ESRRB: variants seen among roughly 807,000 people sequenced by gnomAD.
ESRRB encodes the protein estrogen related receptor beta, also known as steroid hormone receptor ERR2.
In ESRRB, 16 loss-of-function variants were observed where a neutral mutation model predicts 46.0. The observed-to-expected ratio is 0.35, with a 90% CI of 0.24 to 0.53. The LOEUF (loss-of-function observed/expected upper bound fraction) is 0.53, where lower values mean the gene tolerates loss of function less well. Ranked by LOEUF, ESRRB falls within the 20% of genes least tolerant of loss-of-function variation. ESRRB has a pLI of 0.93. For missense variants in ESRRB, 488 were observed against 607.4 expected (o/e 0.80, Z 2.07); for synonymous variants, 246 against 259.6 (o/e 0.95, Z 0.50).
chr14:76,389,480 G>A (rs1885379053), intron 1 of ESRRB, among the ~76,000 whole-genome samples: 1 of 152,214 alleles, frequency 6.6e-6, no homozygotes, highest in Admixed American at 6.5e-5. Flanking sequence ...AGCCCTTGGG[G>A]GAAAAGAGGC....
rs138393878 is a variant in ESRRB, at chr14:76,498,784, C to T, written c.*326C>T. ...AGGCCACTGGAGCAAGTGCCCTCTC[C>T]CCTCCACCGAGCCACCAAGAGGCAG... On this transcript the variant is annotated 3_prime_UTR_variant, in exon 7 of 7. Coordinates refer to ENST00000644823, the MANE Select transcript of ESRRB (RefSeq NM_001379180.1). 1.5e-6 allele frequency: 1 copy of T among 647,660 alleles called. No individual in the cohort carries two copies. Among genetic ancestry groups the T allele is most frequent in the Non-Finnish European group, 2.9e-6 (1 of 348,542 alleles). The allele number at this position is 647,660 out of a possible 1,614,324, so 40.1% of individuals were successfully genotyped here.
At chr14:76,422,249 T>C (rs1595101616) in intron 1 of ESRRB, among the ~76,000 whole-genome samples, 1 of 148,576 alleles carries the variant, frequency 6.7e-6, no homozygotes. Context: ...TCTCACTCTG[T>C]TGCCAGGCTG....
intron 1 of ESRRB, among the ~76,000 whole-genome samples, chr14:76,423,923 G>A (rs140276347): frequency 6.6e-6 from 1 of 152,238 alleles, no homozygotes; most frequent in African/African-American, 2.4e-5. Flanking sequence ...CATGACAGAG[G>A]TTGGGGGGCA....
chr14:76,497,563 C>G (rs1440128520), intron 6 of ESRRB, among the ~76,000 whole-genome samples: 1 of 152,204 alleles, frequency 6.6e-6, no homozygotes. Flanking sequence ...CCCTATAGCT[C>G]CCTCCATCAC....
At chr14:76,479,592 C>G (rs928944743) in intron 3 of ESRRB, among the ~76,000 whole-genome samples, 2 of 152,118 alleles carry the variant, frequency 1.3e-5, no homozygotes, top group Non-Finnish European at 2.9e-5. Context: ...CAGGAGAATC[C>G]CTGGAGAGCC....
intron 1 of ESRRB, among the ~76,000 whole-genome samples, chr14:76,426,013 T>C (rs1887183495): frequency 6.6e-6 from 1 of 152,234 alleles, no homozygotes; most frequent in Non-Finnish European, 1.5e-5. Flanking sequence ...GCTGTTTACT[T>C]ATCATGTTAG....
chr14:76,375,923 C>A (rs932287191), upstream of ESRRB, among the ~76,000 whole-genome samples: 2 of 132,166 alleles, frequency 1.5e-5, no homozygotes, highest in African/African-American at 2.8e-5. Flanking sequence ...AGAAGGCAGG[C>A]CTTAGGGCTC....
Position 76,410,776 on chromosome 14 carries a change from TA to T in ESRRB, c.51-28564del, listed in dbSNP as rs199516063. ...TTTACTTCTCCAACTCTTTTCTTCT[TA>T]TTTTTTTTTATTTTTTTATTTTTTG... is the stretch of plus-strand genomic sequence containing the variant. On this transcript the variant is annotated intron_variant, in intron 1 of 6. Coordinates refer to ENST00000644823, the MANE Select transcript of ESRRB (RefSeq NM_001379180.1). Among the ~76,000 whole-genome samples the T allele has an allele frequency of 9.5e-4, 144 of 151,734 alleles. 1 individual carries two copies. The South Asian group carries it at 0.026, about 28-fold the overall frequency.
chr14:76,376,220 G>A lies in ESRRB; in HGVS notation c.-182G>A. The A allele has an allele frequency of 2.5e-6, 1 of 401,174 alleles. No individual in the cohort carries two copies. The highest frequency in any genetic ancestry group is 4.3e-6 in the Non-Finnish European group (1 of 229,930). The allele number at this position is 401,174 out of a possible 1,614,324, so 24.9% of individuals were successfully genotyped here. On this transcript the variant is annotated 5_prime_UTR_variant, in exon 1 of 7. Transcript: ENST00000644823. This position sits in a 1 kb window ranked among gnomAD's most constrained non-coding sequence, Gnocchi z 4.1. ...GGAGCGTGCGGATGAGTGGAGAGCT[G>A]GGCTGTGCGCGCACGGCTCTCTGCC...
At chr14:76,412,178 C>A (rs1886472161) in intron 1 of ESRRB, among the ~76,000 whole-genome samples, 1 of 152,166 alleles carries the variant, frequency 6.6e-6, no homozygotes, top group African/African-American at 2.4e-5. Flanking sequence ...CGGACTCCGC[C>A]CTCACAGGAC....
chr14:76,348,548 G>A (rs1035041411), intron 1 of ESRRB, among the ~76,000 whole-genome samples: 1 of 152,190 alleles, frequency 6.6e-6, no homozygotes, highest in African/African-American at 2.4e-5. Flanking sequence ...AGCCAGTGCA[G>A]TTCCTGAGAA....
At position 76,498,228 on chromosome 14, in the gene ESRRB, G is replaced by A. The variant is rs760083999; in HGVS notation, c.1135G>A (p.Glu379Lys). The A allele has an allele frequency of 1.3e-5, 21 of 1,613,704 alleles. No homozygotes were observed. Among genetic ancestry groups the A allele is most frequent in the South Asian group, 3.3e-5 (3 of 91,066 alleles). ...TGTGCCTGCAGATTCCATGTACATC[G>A]AGGATCTAGAGGCTGTCCAGAAGCT... ...ALANSDSMYIEDLEAVQKLQD... is the reference protein window; with the variant it reads ...ALANSDSMYIKDLEAVQKLQD... Residue 379 changes from glutamate (E) to lysine (K), a missense_variant, in exon 7 of 7, where the codon GAG (glutamate) becomes AAG (lysine). Transcript: ENST00000644823.
chr14:76,312,509 G>A (rs1238301369), intron 1 of ESRRB, among the ~76,000 whole-genome samples: 1 of 151,566 alleles, frequency 6.6e-6, no homozygotes. Flanking sequence ...ACCGCATTCA[G>A]TAGTGGAGAA....
At chr14:76,407,206 T>C (rs1363631555) in intron 1 of ESRRB, among the ~76,000 whole-genome samples, 3 of 152,194 alleles carry the variant, frequency 2.0e-5, no homozygotes, top group African/African-American at 7.2e-5. Flanking sequence ...GTCAGTCGGT[T>C]GGGGGCAGAG....
intron 1 of ESRRB, among the ~76,000 whole-genome samples, chr14:76,328,802 C>T (rs989873051): frequency 9.9e-5 from 15 of 152,114 alleles, no homozygotes; most frequent in South Asian, 6.2e-4. Flanking sequence ...CTCTGTGCCC[C>T]GTCTGCAGTA....
intron 3 of ESRRB, among the ~76,000 whole-genome samples, chr14:76,477,781 T>G (rs1356500038): frequency 6.6e-6 from 1 of 152,176 alleles, no homozygotes; most frequent in Non-Finnish European, 1.5e-5. Context: ...ATACACGTAT[T>G]GATTGGAGCC....
chr14:76,316,902 T>G (rs1883807121), intron 1 of ESRRB, among the ~76,000 whole-genome samples: 1 of 152,194 alleles, frequency 6.6e-6, no homozygotes, highest in Non-Finnish European at 1.5e-5. Flanking sequence ...TGTCATGCTC[T>G]CTCCTCTCCC....
At position 76,498,226 on chromosome 14, in the gene ESRRB, T is replaced by C. The variant is rs771486766; in HGVS notation, c.1133T>C (p.Ile378Thr). 1.2e-6 allele frequency: 2 copies of C among 1,613,594 alleles called. No homozygotes were observed. Among genetic ancestry groups the C allele is most frequent in the African/African-American group, 2.7e-5 (2 of 74,882 alleles). ...LALANSDSMY[I>T]EDLEAVQKLQ... ...CTTGTGCCTGCAGATTCCATGTACA[T>C]CGAGGATCTAGAGGCTGTCCAGAAG... The change falls in exon 7 of 7, where the codon ATC becomes ACC. Residue 378 changes from isoleucine (I) to threonine (T), a missense_variant. Coordinates refer to ENST00000644823, the MANE Select transcript of ESRRB (RefSeq NM_001379180.1).
At chr14:76,463,556 C>T (rs1888979773) in intron 3 of ESRRB, 1 of 150,664 alleles carries the variant, frequency 6.6e-6, no homozygotes, top group South Asian at 2.1e-4. Context: ...ACGCCATTCT[C>T]ATGCCTCAGC....
Sources: allele counts gnomAD v4.1 joint callset (sites outside exome capture counted in the v4.1 genomes callset), GRCh38; gene constraint gnomAD v4.1.1; non-coding constraint Gnocchi (gnomAD v3.1); transcripts MANE v1.5; gene names NCBI Gene and HGNC (gene_info 2026-07-23, HGNC 2026-07-21).